LRRTM3: variants seen among roughly 807,000 people sequenced by gnomAD.
LRRTM3 encodes the protein leucine-rich repeat transmembrane neuronal protein 3.
LRRTM3 carries 24 observed loss-of-function variants against 44.7 expected under a neutral mutation model. That is an observed-to-expected ratio of 0.54 (90% CI 0.39 to 0.76). The LOEUF is 0.76. LRRTM3 is among the 30% of genes least tolerant of loss of function. The pLI, the probability that LRRTM3 is intolerant of heterozygous loss-of-function variation, is 0.00. For missense variants in LRRTM3, 587 were observed against 702.2 expected (o/e 0.84, Z 1.85); for synonymous variants, 277 against 278.7 (o/e 0.99, Z 0.06).
intron 2 of LRRTM3, among the ~76,000 whole-genome samples, chr10:67,009,326 AT>A (rs1383098493): frequency 1.5e-4 from 22 of 151,362 alleles, no homozygotes; most frequent in African/African-American, 5.1e-4. Flanking sequence ...ATTTTATGGG[AT>A]TTTTTTCAAA....
intron 2 of LRRTM3, among the ~76,000 whole-genome samples, chr10:66,978,552 A>AAAAAAAAAAAAAAAATATATATAT: frequency 5.3e-5 from 2 of 37,864 alleles, no homozygotes; most frequent in Non-Finnish European, 9.7e-5. Flanking sequence ...AAAAAAAAAA[A>AAAAAAAAAAAAAAAATATATATAT]ATATATATAT....
In LRRTM3 at chr10:66,976,458, T is replaced by G. The variant is rs1347588891; in HGVS notation, c.1536+48006T>G. Among the ~76,000 whole-genome samples the G allele has an allele frequency of 2.6e-5, 4 of 152,260 alleles. No homozygotes were observed. In the East Asian group the frequency reaches 7.7e-4, roughly 29 times the overall value. On this transcript the variant is annotated intron_variant, in intron 2 of 2. Transcript: ENST00000361320. ...ACCACCACTTCTATTCTTGCCTTCA[T>G]CTCTTTTTCTATAGATTACTCCAAT...
chr10:67,006,944 C>T (rs1460325592), intron 2 of LRRTM3, among the ~76,000 whole-genome samples: 1 of 152,108 alleles, frequency 6.6e-6, no homozygotes, highest in Non-Finnish European at 1.5e-5. Context: ...CAGTCATGTG[C>T]CACCACGTCC....
At chr10:67,029,833 C>T (rs1035351502) in intron 2 of LRRTM3, among the ~76,000 whole-genome samples, 1 of 152,126 alleles carries the variant, frequency 6.6e-6, no homozygotes, top group Non-Finnish European at 1.5e-5. Flanking sequence ...ATTAAAAGCA[C>T]GGTTCCTCAA....
At chr10:67,070,537 C>T (rs1256876825) in intron 2 of LRRTM3, among the ~76,000 whole-genome samples, 1 of 151,878 alleles carries the variant, frequency 6.6e-6, no homozygotes, top group East Asian at 1.9e-4. Context: ...TAACAAGGTC[C>T]GGAGATCGAG....
chr10:66,929,353 G>A (rs985181503), intron 2 of LRRTM3, among the ~76,000 whole-genome samples: 3 of 152,212 alleles, frequency 2.0e-5, no homozygotes, highest in Non-Finnish European at 4.4e-5. Flanking sequence ...ATGTGGTTGA[G>A]AGCTTACCAG....
At chr10:67,060,971 C>T (rs1342445108) in intron 2 of LRRTM3, among the ~76,000 whole-genome samples, 1 of 152,044 alleles carries the variant, frequency 6.6e-6, no homozygotes, top group Non-Finnish European at 1.5e-5. Context: ...AAAAAGGCAT[C>T]CAGAAGTGAC....
chr10:66,999,678 A>G (rs2132978586), intron 2 of LRRTM3, among the ~76,000 whole-genome samples: 1 of 152,320 alleles, frequency 6.6e-6, no homozygotes, highest in East Asian at 1.9e-4. Flanking sequence ...GCCTTAACTT[A>G]GATAGAAAGT....
intron 2 of LRRTM3, chr10:67,012,257 G>T (rs1309750835): frequency 2.0e-5 from 3 of 152,114 alleles, no homozygotes; most frequent in African/African-American, 7.2e-5. Flanking sequence ...GGATCATCTA[G>T]TCCAACCCAT....
At chr10:66,938,463 T>C (rs1490432392) in intron 2 of LRRTM3, among the ~76,000 whole-genome samples, 2 of 152,050 alleles carry the variant, frequency 1.3e-5, no homozygotes, top group Non-Finnish European at 2.9e-5. Context: ...ATTAAGAAAA[T>C]CATAAGGAAA....
At position 66,990,845 on chromosome 10, in the gene LRRTM3, T is replaced by C. The variant is rs564953368; in HGVS notation, c.1536+62393T>C. Among the ~76,000 whole-genome samples the C allele has an allele frequency of 2.0e-5, 3 of 152,330 alleles. No individual in the cohort carries two copies. The South Asian group carries it at 6.2e-4, about 32-fold the overall frequency. Reference sequence around the variant, plus strand: ...CCTATTCAAGGAAGTAAAATTTCACTAGTATCATGGGCATCTTTAGCATGT... The same window carrying C: ...CCTATTCAAGGAAGTAAAATTTCACCAGTATCATGGGCATCTTTAGCATGT... On this transcript the variant is annotated intron_variant, in intron 2 of 2. Coordinates refer to ENST00000361320, the MANE Select transcript of LRRTM3 (RefSeq NM_178011.5).
chr10:66,978,552 A>AT (rs1197845049), intron 2 of LRRTM3, among the ~76,000 whole-genome samples: 1,391 of 37,352 alleles, frequency 0.037, 9 homozygotes, highest in East Asian at 0.059. Context: ...AAAAAAAAAA[A>AT]ATATATATAT....
At chr10:66,996,947 C>G (rs1851388670) in intron 2 of LRRTM3, among the ~76,000 whole-genome samples, 1 of 151,990 alleles carries the variant, frequency 6.6e-6, no homozygotes, top group Admixed American at 6.6e-5. Context: ...GACATTAAAT[C>G]AAGAGGTTTA....
In LRRTM3 at chr10:66,926,483, C is replaced by T; in HGVS notation, c.-101C>T. ...TCCAATTTTTCTTCCTGGGTGTCAG[C>T]GAGCCCTGACTCACTACAGTGCAGC... On this transcript the variant is annotated 5_prime_UTR_variant, in exon 1 of 3. An upstream open reading frame in the 5' UTR gains an earlier in-frame stop. Transcript: ENST00000361320. 2.9e-6 allele frequency: 4 copies of T among 1,369,332 alleles called. No individual in the cohort carries two copies. Among genetic ancestry groups the T allele is most frequent in the Admixed American group, 2.1e-5 (1 of 48,100 alleles). The allele number at this position is 1,369,332 out of a possible 1,614,324, so 84.8% of individuals were successfully genotyped here.
intron 2 of LRRTM3, among the ~76,000 whole-genome samples, chr10:67,080,864 T>G (rs1857013243): frequency 6.7e-6 from 1 of 150,130 alleles, no homozygotes; most frequent in Non-Finnish European, 1.5e-5. Flanking sequence ...AGCCCAGATC[T>G]GGCCACTGCA....
At chr10:66,971,158 T>G (rs1378670628) in intron 2 of LRRTM3, among the ~76,000 whole-genome samples, 1 of 152,174 alleles carries the variant, frequency 6.6e-6, no homozygotes, top group Non-Finnish European at 1.5e-5. Flanking sequence ...CTGGGTGTGG[T>G]GGCTCACGCC....
At chr10:67,013,084 G>A (rs992535913) in intron 2 of LRRTM3, 3 of 152,036 alleles carry the variant, frequency 2.0e-5, no homozygotes, top group African/African-American at 7.2e-5. Flanking sequence ...AATCCTAAAC[G>A]AGATAGGAAA....
At chr10:67,006,882 T>C (rs779780399) in intron 2 of LRRTM3, among the ~76,000 whole-genome samples, 5 of 152,016 alleles carry the variant, frequency 3.3e-5, no homozygotes, top group African/African-American at 4.8e-5. Flanking sequence ...ACACCTCTAC[T>C]TCCCGGGTTC....
intron 2 of LRRTM3, among the ~76,000 whole-genome samples, chr10:66,969,938 C>T (rs1205472275): frequency 1.3e-5 from 2 of 152,070 alleles, no homozygotes; most frequent in African/African-American, 2.4e-5. Flanking sequence ...AGGATTACTA[C>T]ATGAACATGA....
Sources: gnomAD v4.1 joint callset for allele counts (sites outside exome capture counted in the v4.1 genomes callset) on GRCh38, gnomAD v4.1.1 for gene constraint, MANE v1.5 for transcripts, NCBI Gene and HGNC (gene_info 2026-07-23, HGNC 2026-07-21) for gene names.